The following KAZN variants were observed in gnomAD, a reference collection of about 807,000 sequenced individuals.
The protein encoded by KAZN is kazrin, periplakin interacting protein, also known as kazrin.
A neutral mutation model predicts 87.4 loss-of-function variants in KAZN; 40 were observed. The ratio of observed to expected loss-of-function variants is 0.46; its 90% CI spans 0.36 to 0.60. The LOEUF (loss-of-function observed/expected upper bound fraction) is 0.60, where lower values mean the gene tolerates loss of function less well. Ranked by LOEUF, KAZN falls within the 20% of genes least tolerant of loss-of-function variation. The pLI, the probability that KAZN is intolerant of heterozygous loss-of-function variation, is 0.00. For synonymous variants in KAZN, 466 were observed against 458.3 expected (o/e 1.02, Z -0.22); for missense variants, 898 against 1,073.9 (o/e 0.84, Z 2.29).
At chr1:13,921,933 A>C (rs1487927467) in intron 1 of KAZN, among the ~76,000 whole-genome samples, 2 of 151,976 alleles carry the variant, frequency 1.3e-5, no homozygotes, top group African/African-American at 4.8e-5. Flanking sequence ...GTCCAGCCCC[A>C]GTTGTTTGCA....
chr1:14,973,341 C>A (rs1172458509), intron 2 of KAZN, among the ~76,000 whole-genome samples: 1 of 152,164 alleles, frequency 6.6e-6, no homozygotes, highest in East Asian at 1.9e-4. Context: ...ACTGAACACT[C>A]AAACAAAGGA....
intron 1 of KAZN, among the ~76,000 whole-genome samples, chr1:14,730,132 G>A (rs1359461214): frequency 6.6e-6 from 1 of 152,114 alleles, no homozygotes; most frequent in Non-Finnish European, 1.5e-5. Context: ...TGCCCAGGCT[G>A]GAGTGCAGTG....
At chr1:14,386,996 G>T (rs1051375858) in intron 2 of KAZN, among the ~76,000 whole-genome samples, 11 of 151,222 alleles carry the variant, frequency 7.3e-5, no homozygotes, top group Non-Finnish European at 1.6e-4. Context: ...CATATTTCTT[G>T]GGAGGCTTTG....
At chr1:14,603,144 C>T (rs752535539) in intron 1 of KAZN, among the ~76,000 whole-genome samples, 23 of 152,224 alleles carry the variant, frequency 1.5e-4, no homozygotes, top group Non-Finnish European at 2.9e-4. Flanking sequence ...TAGACACTGT[C>T]GCTTTGCAAA....
Position 13,897,006 on chromosome 1 carries a change from G to A in KAZN, c.91+3250G>A, listed in dbSNP as rs538710957. ...AAGGTCTGGTGGGGCCATGGGAAGA[G>A]CATGTGGTTCTTTCTCATTTAGTCC... On this transcript the variant is annotated intron_variant, in intron 1 of 16. Coordinates refer to the KAZN transcript ENST00000636203. Among the ~76,000 whole-genome samples the A allele has an allele frequency of 3.9e-5, 6 of 152,330 alleles. 1 individual carries two copies. Among genetic ancestry groups the A allele is most frequent in the Admixed American group, 3.9e-4 (6 of 15,304 alleles).
chr1:15,055,624 T>C (rs742664), intron 4 of KAZN, among the ~76,000 whole-genome samples: 22,092 of 152,146 alleles, frequency 0.15, 2,899 homozygotes, highest in African/African-American at 0.36. Flanking sequence ...GGTTCAAACT[T>C]CACTTCTTCT....
intron 1 of KAZN, among the ~76,000 whole-genome samples, chr1:14,787,623 G>A (rs900547151): frequency 4.6e-5 from 7 of 152,132 alleles, no homozygotes; most frequent in African/African-American, 1.7e-4. Flanking sequence ...AATGTTGGCA[G>A]CTACTTTGTC....
chr1:14,861,341 T>C (rs1261915784), intron 1 of KAZN, among the ~76,000 whole-genome samples: 3 of 152,162 alleles, frequency 2.0e-5, no homozygotes, highest in Non-Finnish European at 4.4e-5. Flanking sequence ...ATTGCACCAC[T>C]GCACTCCAGC....
intron 1 of KAZN, among the ~76,000 whole-genome samples, chr1:14,899,318 T>C (rs1324563751): frequency 1.3e-5 from 2 of 152,196 alleles, no homozygotes; most frequent in East Asian, 3.9e-4. Context: ...CATTACCCTT[T>C]TGTAGACTGT....
chr1:15,039,385 G>A (rs928563136), intron 3 of KAZN, among the ~76,000 whole-genome samples: 5 of 152,012 alleles, frequency 3.3e-5, no homozygotes, highest in African/African-American at 9.7e-5. Context: ...CTGGGCCACC[G>A]TCCCCACACC....
chr1:14,231,326 C>G (rs573220580), intron 2 of KAZN, among the ~76,000 whole-genome samples: 2 of 152,160 alleles, frequency 1.3e-5, no homozygotes, highest in African/African-American at 4.8e-5. Context: ...AACAAACAAA[C>G]AAGAATGTGC....
chr1:14,938,203 A>G (rs1892257), intron 1 of KAZN, among the ~76,000 whole-genome samples: 19,747 of 152,006 alleles, frequency 0.13, 1,377 homozygotes, highest in Middle Eastern at 0.15. Flanking sequence ...TTGGGGTGCT[A>G]GCCCTATCTA....
chr1:14,012,631 T>C (rs538425774), intron 1 of KAZN, among the ~76,000 whole-genome samples: 1 of 152,212 alleles, frequency 6.6e-6, no homozygotes, highest in East Asian at 1.9e-4. Flanking sequence ...ATGGCGAAAC[T>C]TCATCTCTAC....
At position 15,094,388 on chromosome 1, in the gene KAZN, AG is replaced by A. The variant is rs1557793865; in HGVS notation, c.1428+5del. ...CGGAGAACGTGAAGAGCGGGAAGGT[AG>A]GCAACTCCGGGCCCCCTATGGGATG... On this transcript the variant is annotated splice_donor_region_variant and intron_variant, in intron 9 of 14. Transcript: ENST00000376030. This position sits in a 1 kb window ranked among gnomAD's most constrained non-coding sequence, Gnocchi z 4.5. The A allele has an allele frequency of 6.2e-7, 1 of 1,609,874 alleles. No homozygotes were observed. The highest frequency in any genetic ancestry group is 8.5e-7 in the Non-Finnish European group (1 of 1,177,648).
intron 1 of KAZN, among the ~76,000 whole-genome samples, chr1:13,967,838 A>G (rs537056857): frequency 1.3e-5 from 2 of 152,276 alleles, no homozygotes; most frequent in African/African-American, 4.8e-5. Flanking sequence ...GCTGTCAAGA[A>G]CAGATGCAGT....
chr1:14,746,430 G>A (rs750045188), intron 1 of KAZN, among the ~76,000 whole-genome samples: 8 of 152,180 alleles, frequency 5.3e-5, no homozygotes, highest in Non-Finnish European at 1.2e-4. Flanking sequence ...GGTTTCTTGA[G>A]GGAGAGGTCA....
intron 1 of KAZN, among the ~76,000 whole-genome samples, chr1:14,648,016 T>G (rs1464870201): frequency 6.6e-6 from 1 of 152,198 alleles, no homozygotes; most frequent in Non-Finnish European, 1.5e-5. Context: ...GGTCATTCCC[T>G]TCTCTCCACT....
chr1:14,641,424 C>T (rs1471312813), intron 1 of KAZN, among the ~76,000 whole-genome samples: 1 of 152,102 alleles, frequency 6.6e-6, no homozygotes, highest in Non-Finnish European at 1.5e-5. Context: ...CTTATTCTTC[C>T]CCTAAAAGCC....
At chr1:14,118,415 A>C (rs913960324) in intron 1 of KAZN, among the ~76,000 whole-genome samples, 7 of 152,162 alleles carry the variant, frequency 4.6e-5, no homozygotes, top group African/African-American at 1.7e-4. Context: ...TCTCAAGATA[A>C]GGTGGTTTGA....
Sources: allele counts gnomAD v4.1 joint callset (sites outside exome capture counted in the v4.1 genomes callset), GRCh38; gene constraint gnomAD v4.1.1; non-coding constraint Gnocchi (gnomAD v3.1); transcripts MANE v1.5; gene names NCBI Gene and HGNC (gene_info 2026-07-23, HGNC 2026-07-21).